The following GABRB2 variants were observed in gnomAD, a reference collection of about 807,000 sequenced individuals.
The protein encoded by GABRB2 is gamma-aminobutyric acid receptor subunit beta-2.
A neutral mutation model predicts 54.7 loss-of-function variants in GABRB2; 16 were observed. The observed-to-expected ratio is 0.29, with a 90% CI of 0.20 to 0.44. GABRB2 has a LOEUF of 0.44. GABRB2 is among the 20% of genes least tolerant of loss of function. The pLI, the probability that GABRB2 is intolerant of heterozygous loss-of-function variation, is 1.00. For missense variants in GABRB2, 355 were observed against 644.0 expected, an observed-to-expected ratio of 0.55 and a Z score of 4.86; for synonymous variants, 244 against 233.8, an observed-to-expected ratio of 1.04 and a Z score of -0.40.
intron 5 of GABRB2, among the ~76,000 whole-genome samples, chr5:161,399,455 T>C (rs1049814587): frequency 8.5e-5 from 13 of 152,128 alleles, no homozygotes; most frequent in African/African-American, 2.9e-4. Flanking sequence ...AGAACATCCG[T>C]TGTGCTAATA....
intron 3 of GABRB2, among the ~76,000 whole-genome samples, chr5:161,505,834 AT>A (rs1759589090): frequency 6.6e-6 from 1 of 152,140 alleles, no homozygotes; most frequent in South Asian, 2.1e-4. Context: ...TTTGTAAATA[AT>A]ATCAGACTTA....
intron 5 of GABRB2, among the ~76,000 whole-genome samples, chr5:161,391,928 T>C (rs1755836056): frequency 6.6e-6 from 1 of 152,218 alleles, no homozygotes; most frequent in African/African-American, 2.4e-5. Context: ...GAGCATTTCC[T>C]AGCCCTGTAA....
chr5:161,547,579 G>A (rs150154329), upstream of GABRB2, among the ~76,000 whole-genome samples: 219 of 152,112 alleles, frequency 1.4e-3, 1 homozygote, highest in Middle Eastern at 3.4e-3. Flanking sequence ...AGGAGGGGAG[G>A]GGGGCGAGGG....
chr5:161,429,540 C>G, intron 4 of GABRB2, among the ~76,000 whole-genome samples: 1 of 151,802 alleles, frequency 6.6e-6, no homozygotes, highest in East Asian at 1.9e-4. Context: ...AGCACATGAC[C>G]AGAACCAGGA....
chr5:161,328,124 A>G (rs1243988402), intron 8 of GABRB2, among the ~76,000 whole-genome samples: 2 of 152,140 alleles, frequency 1.3e-5, no homozygotes, highest in African/African-American at 4.8e-5. Flanking sequence ...TTGATTTGCT[A>G]TAGATTTTAT....
chr5:161,321,280 T>A (rs1561606577), intron 9 of GABRB2, among the ~76,000 whole-genome samples: 1 of 152,096 alleles, frequency 6.6e-6, no homozygotes, highest in Non-Finnish European at 1.5e-5. Flanking sequence ...CAAATGAACA[T>A]CTCCTCTCTC....
Position 161,411,068 on chromosome 5 carries a change from A to G in GABRB2, c.459-11T>C, listed in dbSNP as rs1580962672. The G allele has an allele frequency of 1.2e-6, 2 of 1,603,714 alleles. No individual in the cohort carries two copies. Among genetic ancestry groups the G allele is most frequent in the Non-Finnish European group, 1.7e-6 (2 of 1,170,802 alleles). On this transcript the variant is annotated splice_polypyrimidine_tract_variant and intron_variant, in intron 4 of 9. Transcript: ENST00000393959. ...GCTGTGGTTGTGATTCTAGAAGACA[A>G]ATAGCAATGATGAGTGTTGTTAGCA... is the stretch of plus-strand genomic sequence containing the variant.
intron 5 of GABRB2, among the ~76,000 whole-genome samples, chr5:161,378,011 T>A (rs1350310923): frequency 3.9e-5 from 6 of 152,116 alleles, no homozygotes; most frequent in African/African-American, 1.4e-4. Context: ...TTAACCAACA[T>A]GCATAATGCT....
chr5:161,477,298 A>C (rs1758624152), intron 3 of GABRB2, among the ~76,000 whole-genome samples: 1 of 150,836 alleles, frequency 6.6e-6, no homozygotes, highest in Admixed American at 6.6e-5. Context: ...AAAAAAAAAA[A>C]AAAAGAACAG....
chr5:161,333,767 C>T (rs943972473), intron 7 of GABRB2, among the ~76,000 whole-genome samples: 9 of 152,136 alleles, frequency 5.9e-5, no homozygotes, highest in African/African-American at 1.9e-4. Context: ...AATATTATCA[C>T]CCAGGTATCC....
At chr5:161,529,195 A>G (rs1188156468) in intron 3 of GABRB2, among the ~76,000 whole-genome samples, 11 of 152,030 alleles carry the variant, frequency 7.2e-5, no homozygotes, top group Admixed American at 7.2e-4. Context: ...ATGATGCTGC[A>G]ACAGTGATAA....
At position 161,365,891 on chromosome 5, in the gene GABRB2, C is replaced by T. The variant is rs1001360851; in HGVS notation, c.542-29122G>A. On this transcript the variant is annotated intron_variant, in intron 5 of 9. Coordinates refer to ENST00000393959, the MANE Select transcript of GABRB2 (RefSeq NM_001371727.1). Reference sequence around the variant, plus strand: ...TTTATTTTTATTCTTTTATTCACTACGATTTGGGAATAGCTATTTCTTTCT... The same window carrying T: ...TTTATTTTTATTCTTTTATTCACTATGATTTGGGAATAGCTATTTCTTTCT... Among the ~76,000 whole-genome samples, 5 of 151,928 alleles carry T rather than the reference C, an allele frequency of 3.3e-5. No homozygotes were observed. In the East Asian group the frequency reaches 5.8e-4, roughly 18 times the overall value.
intron 3 of GABRB2, among the ~76,000 whole-genome samples, chr5:161,467,557 A>G (rs1758315145): frequency 1.3e-5 from 2 of 152,104 alleles, no homozygotes; most frequent in South Asian, 4.1e-4. Flanking sequence ...AGCTTTTACT[A>G]TCATTCTGGG....
chr5:161,384,373 T>C (rs558160367), intron 5 of GABRB2, among the ~76,000 whole-genome samples: 23 of 152,264 alleles, frequency 1.5e-4, no homozygotes, highest in African/African-American at 5.3e-4. Context: ...TATGGTGGTG[T>C]GTAATTGAGG....
intron 5 of GABRB2, among the ~76,000 whole-genome samples, chr5:161,363,363 C>T (rs1754874811): frequency 6.6e-6 from 1 of 151,978 alleles, no homozygotes; most frequent in Admixed American, 6.6e-5. Context: ...GAACATCACA[C>T]ACTGGTGCCT....
intron 6 of GABRB2, among the ~76,000 whole-genome samples, chr5:161,335,760 T>C (rs1448861483): frequency 6.6e-6 from 1 of 152,156 alleles, no homozygotes; most frequent in East Asian, 1.9e-4. Context: ...TCAGCGGACC[T>C]CAAACTTAGG....
intron 9 of GABRB2, among the ~76,000 whole-genome samples, chr5:161,312,785 G>A (rs1442149225): frequency 1.3e-5 from 2 of 152,154 alleles, no homozygotes; most frequent in Non-Finnish European, 2.9e-5. Context: ...CCAGGGATGA[G>A]GGACTTTACA....
chr5:161,353,291 G>A (rs904318508), intron 5 of GABRB2, among the ~76,000 whole-genome samples: 1 of 151,932 alleles, frequency 6.6e-6, no homozygotes, highest in Non-Finnish European at 1.5e-5. Context: ...TGAATACTAA[G>A]CACATTAAAA....
intron 3 of GABRB2, among the ~76,000 whole-genome samples, chr5:161,497,409 G>T (rs1759284583): frequency 6.6e-6 from 1 of 152,074 alleles, no homozygotes; most frequent in Non-Finnish European, 1.5e-5. Flanking sequence ...GATTGCTAAA[G>T]TGTTCTATCT....
Sources: gnomAD v4.1 joint callset for allele counts (sites outside exome capture counted in the v4.1 genomes callset) on GRCh38, gnomAD v4.1.1 for gene constraint, MANE v1.5 for transcripts, NCBI Gene and HGNC (gene_info 2026-07-23, HGNC 2026-07-21) for gene names.